PPARGC1A: variants seen among roughly 807,000 people sequenced by gnomAD.
The protein encoded by PPARGC1A is PPARG coactivator 1 alpha, also known as peroxisome proliferator-activated receptor gamma coactivator 1-alpha.
A neutral mutation model predicts 88.7 loss-of-function variants in PPARGC1A; 25 were observed. The observed-to-expected ratio is 0.28, with a 90% CI of 0.21 to 0.39. The LOEUF (loss-of-function observed/expected upper bound fraction) is 0.39, where lower values mean the gene tolerates loss of function less well. Ranked by LOEUF, PPARGC1A falls within the 10% of genes least tolerant of loss-of-function variation. The pLI, the probability that PPARGC1A is intolerant of heterozygous loss-of-function variation, is 1.00. For missense variants in PPARGC1A, 880 were observed against 968.7 expected (o/e 0.91, Z 1.22); for synonymous variants, 363 against 355.6 (o/e 1.02, Z -0.24).
chr4:24,434,928 T>C, the PPARGC1A span, among the ~76,000 whole-genome samples: 1 of 152,344 alleles, frequency 6.6e-6, no homozygotes, highest in South Asian at 2.1e-4. Context: ...GGGAATTTTC[T>C]CAGCCCTGGC....
At chr4:24,066,849 G>GTTTTTTTT in the PPARGC1A span, among the ~76,000 whole-genome samples, 124 of 100,798 alleles carry the variant, frequency 1.2e-3, no homozygotes, top group Non-Finnish European at 1.4e-3. Context: ...TTTGTTTTGG[G>GTTTTTTTT]TTTTTTTTTT....
chr4:24,110,030 C>T, the PPARGC1A span, among the ~76,000 whole-genome samples: 1 of 152,100 alleles, frequency 6.6e-6, no homozygotes, highest in Non-Finnish European at 1.5e-5. Flanking sequence ...CTGACTCTGC[C>T]CTATGAGCTC....
chr4:23,952,812 T>C, the PPARGC1A span, among the ~76,000 whole-genome samples: 1 of 152,088 alleles, frequency 6.6e-6, no homozygotes, highest in Non-Finnish European at 1.5e-5. Flanking sequence ...TGCTAATCTT[T>C]TAGTGCCTCT....
chr4:24,252,815 A>AT, the PPARGC1A span, among the ~76,000 whole-genome samples: 1 of 152,126 alleles, frequency 6.6e-6, no homozygotes, highest in Non-Finnish European at 1.5e-5. Context: ...CAGATACCTT[A>AT]TTTTTTAGAA....
chr4:23,984,848 C>G, the PPARGC1A span, among the ~76,000 whole-genome samples: 7 of 152,080 alleles, frequency 4.6e-5, no homozygotes. Context: ...ATCCACATCT[C>G]CCAACTCCCA....
the PPARGC1A span, among the ~76,000 whole-genome samples, chr4:24,253,751 T>C: frequency 2.0e-5 from 3 of 152,186 alleles, no homozygotes; most frequent in Non-Finnish European, 4.4e-5. Flanking sequence ...CCAGCCCTAG[T>C]GTTCAACAAA....
the PPARGC1A span, among the ~76,000 whole-genome samples, chr4:24,176,678 T>C: frequency 6.6e-6 from 1 of 151,972 alleles, no homozygotes; most frequent in Non-Finnish European, 1.5e-5. Flanking sequence ...CTCGTAACAC[T>C]CTTGAAAACT....
chr4:24,035,765 G>T, the PPARGC1A span, among the ~76,000 whole-genome samples: 5 of 152,156 alleles, frequency 3.3e-5, no homozygotes, highest in East Asian at 9.7e-4. Context: ...AAGGTAACTG[G>T]CGTTTATATA....
the PPARGC1A span, among the ~76,000 whole-genome samples, chr4:24,277,775 TG>T: frequency 6.6e-6 from 1 of 152,204 alleles, no homozygotes; most frequent in East Asian, 1.9e-4. Flanking sequence ...GAGTACCAAA[TG>T]GGGGTCAGGA....
At chr4:23,885,366 T>C (rs981590390) in intron 1 of PPARGC1A, among the ~76,000 whole-genome samples, 2 of 152,214 alleles carry the variant, frequency 1.3e-5, no homozygotes, top group Admixed American at 6.6e-5. Context: ...CAATAAACTA[T>C]TGCTAAATGG....
upstream of PPARGC1A, among the ~76,000 whole-genome samples, chr4:23,908,951 A>G (rs1720401792): frequency 6.6e-6 from 1 of 152,228 alleles, no homozygotes; most frequent in Non-Finnish European, 1.5e-5. Context: ...CCAGGTGCTT[A>G]ACTTGTGTGA....
At chr4:24,030,873 C>T in the PPARGC1A span, among the ~76,000 whole-genome samples, 1 of 152,208 alleles carries the variant, frequency 6.6e-6, no homozygotes, top group African/African-American at 2.4e-5. Flanking sequence ...CTCACTCACT[C>T]ATTCTTCCAA....
At chr4:24,157,534 G>T in the PPARGC1A span, among the ~76,000 whole-genome samples, 10 of 151,998 alleles carry the variant, frequency 6.6e-5, no homozygotes, top group African/African-American at 2.2e-4. Context: ...TATCCTATCT[G>T]CCTCTTCCTG....
the PPARGC1A span, among the ~76,000 whole-genome samples, chr4:24,225,980 C>T: frequency 0.14 from 18,062 of 131,976 alleles, 1,378 homozygotes; most frequent in South Asian, 0.27. Flanking sequence ...AAACAAAAGA[C>T]AGAGGGACAA....
chr4:23,962,387 C>T, the PPARGC1A span, among the ~76,000 whole-genome samples: 38 of 152,196 alleles, frequency 2.5e-4, no homozygotes, highest in African/African-American at 5.3e-4. Flanking sequence ...TTCAGAGAGC[C>T]GCAGAGAGTT....
chr4:24,213,113 C>T, the PPARGC1A span, among the ~76,000 whole-genome samples: 1 of 151,950 alleles, frequency 6.6e-6, no homozygotes, highest in African/African-American at 2.4e-5. Context: ...CCCACAGGCC[C>T]TACTCCATCG....
chr4:24,318,432 C>T, the PPARGC1A span, among the ~76,000 whole-genome samples: 3 of 152,182 alleles, frequency 2.0e-5, no homozygotes, highest in Non-Finnish European at 4.4e-5. Flanking sequence ...ATTGAGCAAT[C>T]CAAGATCCAA....
At chr4:24,001,054 T>A in the PPARGC1A span, among the ~76,000 whole-genome samples, 2 of 152,206 alleles carry the variant, frequency 1.3e-5, no homozygotes, top group Non-Finnish European at 2.9e-5. Context: ...TTTATCCCCT[T>A]CAATACTTTA....
chr4:24,102,340 T>C, the PPARGC1A span, among the ~76,000 whole-genome samples: 1 of 152,232 alleles, frequency 6.6e-6, no homozygotes, highest in Non-Finnish European at 1.5e-5. Flanking sequence ...CATGGATACC[T>C]ACACAACAGT....
Sources: allele counts gnomAD v4.1 joint callset (sites outside exome capture counted in the v4.1 genomes callset), GRCh38; gene constraint gnomAD v4.1.1; transcripts MANE v1.5; gene names NCBI Gene and HGNC (gene_info 2026-07-23, HGNC 2026-07-21).